The following SLC16A7 variants were observed in gnomAD, a reference collection of about 807,000 sequenced individuals.
SLC16A7 encodes monocarboxylate transporter 2.
In SLC16A7, 33 loss-of-function variants were observed where a neutral mutation model predicts 34.9. That is an observed-to-expected ratio of 0.94 (90% CI 0.72 to 1.26). The LOEUF is 1.26. Among genes scored for constraint, SLC16A7 ranks in the 50% most tolerant of loss-of-function variants. SLC16A7 has a pLI of 0.00. For synonymous variants in SLC16A7, 201 were observed against 206.6 expected, an observed-to-expected ratio of 0.97 and a Z score of 0.23; for missense variants, 573 against 578.1, an observed-to-expected ratio of 0.99 and a Z score of 0.09.
At chr12:59,710,771 G>A (rs559213533) in intron 3 of SLC16A7, among the ~76,000 whole-genome samples, 30 of 152,246 alleles carry the variant, frequency 2.0e-4, no homozygotes, top group African/African-American at 6.7e-4. Context: ...TTATGCAGAT[G>A]TGTTTTTGTT....
chr12:59,613,453 AG>A (rs1879293635), intron 1 of SLC16A7, among the ~76,000 whole-genome samples: 1 of 152,186 alleles, frequency 6.6e-6, no homozygotes, highest in Non-Finnish European at 1.5e-5. Flanking sequence ...TCACTTTGGG[AG>A]TTAGGTTACA....
intron 2 of SLC16A7, among the ~76,000 whole-genome samples, chr12:59,686,841 A>T (rs924962854): frequency 2.6e-5 from 4 of 152,034 alleles, no homozygotes; most frequent in Non-Finnish European, 4.4e-5. Flanking sequence ...AATTTCTGTT[A>T]GGAGGAATAA....
chr12:59,621,273 A>G (rs1879685481), intron 1 of SLC16A7, among the ~76,000 whole-genome samples: 1 of 151,716 alleles, frequency 6.6e-6, no homozygotes, highest in East Asian at 1.9e-4. Context: ...CATGTTGTTT[A>G]TAGTCTTCTT....
At chr12:59,602,765 A>C (rs560517126) in intron 1 of SLC16A7, among the ~76,000 whole-genome samples, 1 of 152,242 alleles carries the variant, frequency 6.6e-6, no homozygotes, top group African/African-American at 2.4e-5. Flanking sequence ...AATTACAGAC[A>C]TGAGCCACTG....
intron 1 of SLC16A7, among the ~76,000 whole-genome samples, chr12:59,651,035 T>G (rs1868334208): frequency 6.6e-6 from 1 of 152,156 alleles, no homozygotes; most frequent in African/African-American, 2.4e-5. Context: ...AAACCACCCA[T>G]GCTTCCCTCA....
intron 1 of SLC16A7, among the ~76,000 whole-genome samples, chr12:59,617,249 T>A (rs913131486): frequency 6.6e-6 from 1 of 152,012 alleles, no homozygotes; most frequent in African/African-American, 2.4e-5. Flanking sequence ...TCTTATTAAA[T>A]ATATGCACCC....
In SLC16A7 at chr12:59,635,078, C is replaced by A. The variant is rs192474400; in HGVS notation, c.-129-20074C>A. 2.0e-3 allele frequency among the ~76,000 whole-genome samples: 303 copies of A among 152,052 alleles called. 1 individual carries two copies. Among genetic ancestry groups the A allele is most frequent in the Non-Finnish European group, 2.6e-3 (176 of 67,950 alleles). Reference sequence around the variant, plus strand: ...TTCTGAGGCCTAAGGCTAGAATATTCTCTCCCCATTATTTATTATTGTCAT... The same window carrying A: ...TTCTGAGGCCTAAGGCTAGAATATTATCTCCCCATTATTTATTATTGTCAT... On this transcript the variant is annotated intron_variant, in intron 1 of 5. Transcript: ENST00000547379.
At chr12:59,664,006 A>ATCT (rs1868995763) in intron 2 of SLC16A7, among the ~76,000 whole-genome samples, 1 of 152,086 alleles carries the variant, frequency 6.6e-6, no homozygotes, top group Non-Finnish European at 1.5e-5. Context: ...ATCCACTGAT[A>ATCT]GAGGAGTCTG....
chr12:59,599,915 T>G (rs552557406), intron 1 of SLC16A7, among the ~76,000 whole-genome samples: 1 of 152,290 alleles, frequency 6.6e-6, no homozygotes, highest in East Asian at 1.9e-4. Flanking sequence ...TCTTTGAGAG[T>G]AGATGGTATA....
rs180858220 is a variant in SLC16A7 at position 59,633,927 on chromosome 12, G to A, written c.-129-21225G>A. Among the ~76,000 whole-genome samples, 12 of 152,212 alleles carry A rather than the reference G, an allele frequency of 7.9e-5. No individual in the cohort carries two copies. In the East Asian group the frequency reaches 2.3e-3, roughly 30 times the overall value. ...GATTACAACTGGAGATGAGATTTGGGTGGGGACACAGAGCCAAACCATATC... is the reference window on the plus strand; with the variant it reads ...GATTACAACTGGAGATGAGATTTGGATGGGGACACAGAGCCAAACCATATC... On this transcript the variant is annotated intron_variant, in intron 1 of 5. Transcript: ENST00000547379.
At chr12:59,761,065 C>T (rs947101756) in intron 3 of SLC16A7, 25 of 694,088 alleles carry the variant, frequency 3.6e-5, no homozygotes, top group East Asian at 6.5e-5. Context: ...TAAAAAATCA[C>T]GTCTTGACAA....
chr12:59,761,905 G>T (rs1178198386), intron 3 of SLC16A7, among the ~76,000 whole-genome samples: 1 of 152,036 alleles, frequency 6.6e-6, no homozygotes, highest in African/African-American at 2.4e-5. Context: ...TAAAAGAGAA[G>T]TCCTAAACAT....
At chr12:59,728,938 G>A (rs542680208) in intron 3 of SLC16A7, among the ~76,000 whole-genome samples, 71 of 152,176 alleles carry the variant, frequency 4.7e-4, no homozygotes, top group African/African-American at 1.7e-3. Flanking sequence ...CAAATAATTA[G>A]GTGTCCTACC....
At chr12:59,771,476 A>G in intron 4 of SLC16A7, 114 bp downstream of exon 4, 1 of 733,712 alleles carries the variant, frequency 1.4e-6, no homozygotes, top group Non-Finnish European at 2.0e-6. Flanking sequence ...TTTTATAAAC[A>G]ATGCAGTTTT....
At chr12:59,614,370 A>G (rs977390069) in intron 1 of SLC16A7, among the ~76,000 whole-genome samples, 3 of 152,154 alleles carry the variant, frequency 2.0e-5, no homozygotes, top group Admixed American at 6.5e-5. Context: ...TATTGGCTCC[A>G]GAAAATGACC....
chr12:59,632,073 A>G (rs570329730), intron 1 of SLC16A7, among the ~76,000 whole-genome samples: 10 of 152,102 alleles, frequency 6.6e-5, no homozygotes, highest in Middle Eastern at 3.4e-3. Context: ...GAAGATGTCA[A>G]TTAGAAGACA....
At chr12:59,764,684 A>G (rs530770845) in intron 3 of SLC16A7, among the ~76,000 whole-genome samples, 1 of 152,246 alleles carries the variant, frequency 6.6e-6, no homozygotes, top group South Asian at 2.1e-4. Flanking sequence ...GTGGCTGTAT[A>G]ATATTCCATG....
chr12:59,611,870 C>T (rs1879209785), intron 1 of SLC16A7, among the ~76,000 whole-genome samples: 1 of 152,194 alleles, frequency 6.6e-6, no homozygotes, highest in Non-Finnish European at 1.5e-5. Context: ...AGAGGTCATG[C>T]TGATGCAAAA....
intron 4 of SLC16A7, among the ~76,000 whole-genome samples, chr12:59,772,962 G>A (rs1366169943): frequency 6.6e-6 from 1 of 152,004 alleles, no homozygotes; most frequent in Non-Finnish European, 1.5e-5. Context: ...GAGTAGATCA[G>A]TTCTATTGAT....
Sources: allele counts gnomAD v4.1 joint callset (sites outside exome capture counted in the v4.1 genomes callset), GRCh38; gene constraint gnomAD v4.1.1; transcripts MANE v1.5; gene names NCBI Gene and HGNC (gene_info 2026-07-23, HGNC 2026-07-21).